CSMD1: variants seen among roughly 807,000 people sequenced by gnomAD.
The protein encoded by CSMD1 is CUB and Sushi multiple domains 1.
In CSMD1, 213 loss-of-function variants were observed where a neutral mutation model predicts 417.5. That is an observed-to-expected ratio of 0.51 (90% CI 0.46 to 0.57). The LOEUF (loss-of-function observed/expected upper bound fraction) is 0.57. CSMD1 is among the 20% of genes least tolerant of loss of function. The pLI is 0.00. For missense variants in CSMD1, 6,923 were observed against 4,529.7 expected, an observed-to-expected ratio of 1.53 and a Z score of -15.17; for synonymous variants, 2,862 against 1,736.8, an observed-to-expected ratio of 1.65 and a Z score of -16.11.
At chr8:3,211,709 C>G (rs533130354) in intron 30 of CSMD1, among the ~76,000 whole-genome samples, 1 of 152,288 alleles carries the variant, frequency 6.6e-6, no homozygotes, top group South Asian at 2.1e-4. Context: ...GCAGGGCGCA[C>G]CTTTCAGTGC....
chr8:3,402,790 A>G (rs930023637), intron 15 of CSMD1, among the ~76,000 whole-genome samples: 3 of 152,132 alleles, frequency 2.0e-5, no homozygotes, highest in Admixed American at 6.6e-5. Context: ...TAAATTGTTT[A>G]TAACACTTGA....
intron 12 of CSMD1, among the ~76,000 whole-genome samples, chr8:3,437,896 T>C (rs542143551): frequency 6.6e-6 from 1 of 152,146 alleles, no homozygotes; most frequent in African/African-American, 2.4e-5. Flanking sequence ...TACAGGTGTG[T>C]GTCACCAGGC....
chr8:3,265,133 C>A (rs913064253), intron 26 of CSMD1, among the ~76,000 whole-genome samples: 5 of 152,044 alleles, frequency 3.3e-5, no homozygotes, highest in Non-Finnish European at 7.4e-5. Flanking sequence ...ACTATTAGAG[C>A]AGAGATATTA....
At chr8:4,011,689 A>G (rs1228465740) in intron 4 of CSMD1, among the ~76,000 whole-genome samples, 4 of 152,232 alleles carry the variant, frequency 2.6e-5, no homozygotes, top group Non-Finnish European at 5.9e-5. Context: ...CGAAATAATT[A>G]GAAAGTCACA....
chr8:3,465,853 G>C (rs999428437), intron 12 of CSMD1, among the ~76,000 whole-genome samples: 1 of 152,150 alleles, frequency 6.6e-6, no homozygotes, highest in Non-Finnish European at 1.5e-5. Context: ...GGGACTGACT[G>C]TGACTCCAGG....
At chr8:3,879,354 A>T (rs1806051864) in intron 5 of CSMD1, among the ~76,000 whole-genome samples, 2 of 152,198 alleles carry the variant, frequency 1.3e-5, no homozygotes. Context: ...CATTAGAATC[A>T]TCTAAGGAAT....
At chr8:3,219,927 T>A (rs767762707) in intron 28 of CSMD1, among the ~76,000 whole-genome samples, 27 of 152,144 alleles carry the variant, frequency 1.8e-4, no homozygotes, top group Non-Finnish European at 1.6e-4. Context: ...CTTTTATTTT[T>A]ACTTAAAAAA....
At chr8:4,090,844 G>T (rs7008527) in intron 3 of CSMD1, among the ~76,000 whole-genome samples, 45,450 of 151,872 alleles carry the variant, frequency 0.3, 7,279 homozygotes, top group African/African-American at 0.41. Context: ...GAAATATTTG[G>T]CGAAGGGATG....
rs904372147 is a variant in CSMD1 at position 3,118,346 on chromosome 8, G to A, written c.6430+53C>T. The A allele has an allele frequency of 1.2e-5, 15 of 1,204,062 alleles. No individual in the cohort carries two copies. The Admixed American group carries it at 1.7e-4, about 13-fold the overall frequency. 74.6% of individuals were successfully genotyped at this position (1,204,062 alleles called of 1,614,324 possible). On this transcript the variant is annotated intron_variant, in intron 42 of 69. Coordinates refer to ENST00000635120, the MANE Select transcript of CSMD1 (RefSeq NM_033225.6). ...GATATGTTCATTTAATATTTAATGT[G>A]CTATTATGCCCATGAAACATTAAAT... is the stretch of plus-strand genomic sequence containing the variant.
chr8:4,451,024 A>G (rs1427596455), intron 2 of CSMD1, among the ~76,000 whole-genome samples: 1 of 107,002 alleles, frequency 9.3e-6, no homozygotes, highest in African/African-American at 3.1e-5. Context: ...ACGTGGGGAA[A>G]AAAAAAATGG....
intron 2 of CSMD1, among the ~76,000 whole-genome samples, chr8:4,635,770 T>A (rs1343807779): frequency 6.6e-6 from 1 of 152,038 alleles, no homozygotes; most frequent in Non-Finnish European, 1.5e-5. Flanking sequence ...AAAGCCTACA[T>A]CAAATTAGCA....
At chr8:3,961,917 G>A (rs1240407153) in intron 5 of CSMD1, among the ~76,000 whole-genome samples, 2 of 152,282 alleles carry the variant, frequency 1.3e-5, no homozygotes, top group Middle Eastern at 3.4e-3. Context: ...GCTCAAAAAC[G>A]AATGGGCTTG....
chr8:3,233,334 C>G (rs956096094), intron 26 of CSMD1, among the ~76,000 whole-genome samples: 11 of 152,170 alleles, frequency 7.2e-5, no homozygotes, highest in Non-Finnish European at 1.5e-4. Context: ...GCATGCTCAG[C>G]CCCTCGCCAG....
chr8:4,576,595 C>T lies in CSMD1; in HGVS notation c.302+60747G>A, dbSNP rs979216106. ...GGTGTGGCGTTGGGTTATTGTCCAT[C>T]CAGTATCTAGCTTACTCTGTATATA... On this transcript the variant is annotated intron_variant, in intron 2 of 69. Transcript: ENST00000635120. Among the ~76,000 whole-genome samples, 8 of 152,198 alleles carry T rather than the reference C, an allele frequency of 5.3e-5. No homozygotes were observed. In the South Asian group the frequency reaches 1.7e-3, roughly 32 times the overall value.
chr8:4,831,113 G>A (rs986905770), intron 1 of CSMD1, among the ~76,000 whole-genome samples: 1 of 152,066 alleles, frequency 6.6e-6, no homozygotes, highest in African/African-American at 2.4e-5. Context: ...CTATGCCTTA[G>A]GAAAAAAGAA....
intron 2 of CSMD1, among the ~76,000 whole-genome samples, chr8:4,616,611 G>C (rs1328092506): frequency 6.6e-6 from 1 of 152,162 alleles, no homozygotes; most frequent in Non-Finnish European, 1.5e-5. Context: ...TAAGATACAG[G>C]ATCTAGCAAC....
At chr8:4,881,411 A>ATATCTATCTATC (rs10659062) in intron 1 of CSMD1, among the ~76,000 whole-genome samples, 99 of 134,884 alleles carry the variant, frequency 7.3e-4, no homozygotes, top group African/African-American at 1.7e-3. Context: ...CCTAGTATAC[A>ATATCTATCTATC]TATCTATCTA....
intron 1 of CSMD1, among the ~76,000 whole-genome samples, chr8:4,857,179 C>T (rs1325507208): frequency 1.3e-5 from 2 of 150,282 alleles, no homozygotes; most frequent in East Asian, 1.9e-4. Flanking sequence ...GGGTACATAA[C>T]GAAATGAAGG....
chr8:4,862,823 G>T (rs2116880337), intron 1 of CSMD1, among the ~76,000 whole-genome samples: 1 of 152,180 alleles, frequency 6.6e-6, no homozygotes, highest in South Asian at 2.1e-4. Context: ...TAGCTAGAAA[G>T]TTGAAGACCT....
Sources: allele counts gnomAD v4.1 joint callset (sites outside exome capture counted in the v4.1 genomes callset), GRCh38; gene constraint gnomAD v4.1.1; transcripts MANE v1.5; gene names NCBI Gene and HGNC (gene_info 2026-07-23, HGNC 2026-07-21).